Variants in TRIM24 observed in about 807,000 individuals in gnomAD.
TRIM24 encodes the protein transcription intermediary factor 1-alpha.
TRIM24 carries 29 observed loss-of-function variants against 123.9 expected under a neutral mutation model. The observed-to-expected ratio is 0.23, with a 90% CI of 0.17 to 0.32. The LOEUF is 0.32. Ranked by LOEUF, TRIM24 falls within the 10% of genes least tolerant of loss-of-function variation. The probability of loss-of-function intolerance (pLI) is 1.00; values close to 1 mark genes in which losing one functional copy is unlikely to be tolerated. For missense variants in TRIM24, 932 were observed against 1,295.3 expected (o/e 0.72, Z 4.31); for synonymous variants, 456 against 461.1 (o/e 0.99, Z 0.14).
intron 1 of TRIM24, among the ~76,000 whole-genome samples, chr7:138,474,128 CT>C (rs71177990): frequency 2.0e-4 from 28 of 137,198 alleles, no homozygotes; most frequent in Admixed American, 3.0e-4. Context: ...TGTACTTTTT[CT>C]TTTTTTTTTT....
chr7:138,577,412 A>C lies in TRIM24; in HGVS notation c.2088-8A>C. On this transcript the variant is annotated splice_polypyrimidine_tract_variant and splice_region_variant and intron_variant, in intron 13 of 18. Coordinates refer to ENST00000343526, the MANE Select transcript of TRIM24 (RefSeq NM_015905.3). ...TAGATTGCTTTTTCTTCTCTCTCAT[A>C]CTTACAGCTCTGGCTCTTCCAGCAA... 1 of 1,542,264 alleles carries C rather than the reference A, an allele frequency of 6.5e-7. No homozygotes were observed. The highest frequency in any genetic ancestry group is 8.7e-7 in the Non-Finnish European group (1 of 1,149,174).
At chr7:138,492,115 A>T (rs1352828908) in intron 1 of TRIM24, among the ~76,000 whole-genome samples, 1 of 151,728 alleles carries the variant, frequency 6.6e-6, no homozygotes, top group Non-Finnish European at 1.5e-5. Flanking sequence ...CAATGTAAGT[A>T]AAAAAATTTA....
chr7:138,460,670 C>T lies in TRIM24; in HGVS notation c.122C>T (p.Ser41Leu), dbSNP rs1386462412. ...GCCGAGAGTCGGCAGGGCCCGGACT[C>T]GGAGCGCGGCGGCGAGGCGGCCCGG... ...NEAESRQGPDSERGGEAARLN... is the reference protein window; with the variant it reads ...NEAESRQGPDLERGGEAARLN... The change falls in exon 1 of 19, where the codon TCG becomes TTG. Residue 41 changes from serine to leucine, a missense_variant. This residue lies in a region of TRIM24 where 164 missense variants were observed against 181.9 expected (regional missense o/e 0.90). Transcript: ENST00000343526. 1.3e-6 allele frequency: 2 copies of T among 1,512,160 alleles called. No individual in the cohort carries two copies. The highest frequency in any genetic ancestry group is 1.8e-6 in the Non-Finnish European group (2 of 1,136,140). 93.7% of individuals were successfully genotyped at this position (1,512,160 alleles called of 1,614,324 possible). A position where few individuals can be genotyped will look rare whatever the true frequency, so the allele number is the denominator to read the frequency against.
At chr7:138,576,890 T>C (rs1308478393) in intron 13 of TRIM24, among the ~76,000 whole-genome samples, 1 of 152,188 alleles carries the variant, frequency 6.6e-6, no homozygotes, top group Non-Finnish European at 1.5e-5. Flanking sequence ...TGCCTGAAAA[T>C]TCCTCCTAGC....
In TRIM24 at chr7:138,579,078, T is replaced by C. The variant is rs551849115; in HGVS notation, c.2257-126T>C. 1.7e-3 allele frequency: 1,190 copies of C among 698,868 alleles called. 3 individuals carry two copies. The highest frequency in any genetic ancestry group is 2.4e-3 in the Non-Finnish European group (1,015 of 428,780). The allele number at this position is 698,868 out of a possible 1,614,324, so 43.3% of individuals were successfully genotyped here. A position where few individuals can be genotyped will look rare whatever the true frequency, so the allele number is the denominator to read the frequency against. On this transcript the variant is annotated intron_variant, in intron 14 of 18. Coordinates refer to ENST00000343526, the MANE Select transcript of TRIM24 (RefSeq NM_015905.3). ...TCTAAGCCAGTTAGCAATAAACATA[T>C]ACCCTTCTCCTGAAGATTCCTTTGA...
intron 9 of TRIM24, among the ~76,000 whole-genome samples, chr7:138,555,921 TC>T (rs1160091659): frequency 6.6e-6 from 1 of 152,196 alleles, no homozygotes; most frequent in East Asian, 1.9e-4. Context: ...ATGGTCGACA[TC>T]TTACATACCG....
intron 1 of TRIM24, among the ~76,000 whole-genome samples, chr7:138,465,932 A>C (rs1795125974): frequency 6.6e-6 from 1 of 152,226 alleles, no homozygotes; most frequent in Non-Finnish European, 1.5e-5. Flanking sequence ...GTACTACTTT[A>C]TAGACCCTCC....
At chr7:138,583,818 A>G (rs3213902) in intron 17 of TRIM24, 32 bp from the exon 18 acceptor site, 624,276 of 1,417,904 alleles carry the variant, frequency 0.44, 144,933 homozygotes, top group Middle Eastern at 0.52. Context: ...GAATTTAGCT[A>G]TTTGTATTAT....
intron 1 of TRIM24, among the ~76,000 whole-genome samples, chr7:138,492,479 T>G (rs1795815656): frequency 6.6e-6 from 1 of 152,150 alleles, no homozygotes; most frequent in East Asian, 1.9e-4. Context: ...GTAGTTTTAA[T>G]TTTGGTGAAG....
intron 3 of TRIM24, among the ~76,000 whole-genome samples, chr7:138,517,113 A>G (rs1796415461): frequency 1.3e-5 from 2 of 152,044 alleles, no homozygotes; most frequent in Non-Finnish European, 2.9e-5. Context: ...TCCAAAAAAA[A>G]AAAAACCGTC....
intron 9 of TRIM24, among the ~76,000 whole-genome samples, chr7:138,564,016 G>A (rs1031306770): frequency 3.3e-5 from 5 of 152,196 alleles, no homozygotes; most frequent in African/African-American, 1.2e-4. Flanking sequence ...ACTCCTCAGT[G>A]TTAAACAGTG....
At chr7:138,495,427 T>G (rs987515629) in intron 1 of TRIM24, among the ~76,000 whole-genome samples, 5 of 152,104 alleles carry the variant, frequency 3.3e-5, no homozygotes, top group African/African-American at 1.2e-4. Flanking sequence ...GATTTAGGAT[T>G]CTGGTTAGGC....
chr7:138,534,676 A>C (rs566355990), intron 6 of TRIM24, among the ~76,000 whole-genome samples: 1 of 152,202 alleles, frequency 6.6e-6, no homozygotes, highest in Non-Finnish European at 1.5e-5. Context: ...GGTGCTGAGA[A>C]GAATGTATAT....
chr7:138,530,228 A>T (rs1229152107), intron 6 of TRIM24, among the ~76,000 whole-genome samples: 2 of 136,210 alleles, frequency 1.5e-5, no homozygotes, highest in Non-Finnish European at 3.1e-5. Flanking sequence ...CTGTGACTTT[A>T]AAAAAAAAAA....
Position 138,462,731 on chromosome 7 carries a change from A to G in TRIM24, c.364+1819A>G, listed in dbSNP as rs117116174. Among the ~76,000 whole-genome samples, 300 of 152,228 alleles carry G rather than the reference A, an allele frequency of 2.0e-3. 2 individuals are homozygous for G. The highest frequency in any genetic ancestry group is 0.011 in the East Asian group (57 of 5,170). On this transcript the variant is annotated intron_variant, in intron 1 of 18. Transcript: ENST00000343526. ...TGACCCTTGAATGTCTTCTGTCACCATCCATGAAACTGGTAAGGTTATTTG... is the reference window on the plus strand; with the variant it reads ...TGACCCTTGAATGTCTTCTGTCACCGTCCATGAAACTGGTAAGGTTATTTG...
At position 138,508,900 on chromosome 7, in the gene TRIM24, C is replaced by T. The variant is rs542423713; in HGVS notation, c.483+4492C>T. ...GTATGGTACGGTGGGTGCTCATCATCATTGAGTTGGTCACCTATCTAGGCC... is the reference window on the plus strand; with the variant it reads ...GTATGGTACGGTGGGTGCTCATCATTATTGAGTTGGTCACCTATCTAGGCC... On this transcript the variant is annotated intron_variant, in intron 2 of 18. Coordinates refer to ENST00000343526, the MANE Select transcript of TRIM24 (RefSeq NM_015905.3). 3.2e-4 allele frequency among the ~76,000 whole-genome samples: 49 copies of T among 152,106 alleles called. 1 individual carries two copies. In the South Asian group the frequency reaches 5.6e-3, roughly 17 times the overall value.
At chr7:138,498,005 T>C (rs1795952017) in intron 1 of TRIM24, among the ~76,000 whole-genome samples, 1 of 151,126 alleles carries the variant, frequency 6.6e-6, no homozygotes, top group Non-Finnish European at 1.5e-5. Flanking sequence ...GTGTGGTTTT[T>C]TTATTTTTAT....
intron 15 of TRIM24, among the ~76,000 whole-genome samples, chr7:138,579,975 G>A (rs1797858140): frequency 1.3e-5 from 2 of 152,024 alleles, no homozygotes; most frequent in South Asian, 2.1e-4. Context: ...TATCACAAGG[G>A]ATCATCATAA....
rs375801921 is a variant in TRIM24 at position 138,585,270 on chromosome 7, AG to A, written c.*320del. 1.5e-5 allele frequency: 4 copies of A among 271,282 alleles called. No homozygotes were observed. Among genetic ancestry groups the A allele is most frequent in the African/African-American group, 4.4e-5 (2 of 45,602 alleles). The allele number at this position is 271,282 out of a possible 1,614,324, so 16.8% of individuals were successfully genotyped here. A position where few individuals can be genotyped will look rare whatever the true frequency, so the allele number is the denominator to read the frequency against. On this transcript the variant is annotated 3_prime_UTR_variant, in exon 19 of 19. Transcript: ENST00000343526. ...CTTGGATTTTTAAACCACAGTCTGG[AG>A]TGATAGCTACTGTAGAAAGGAAATA... is the stretch of plus-strand genomic sequence containing the variant.
Sources: allele counts gnomAD v4.1 joint callset (sites outside exome capture counted in the v4.1 genomes callset), GRCh38; gene constraint gnomAD v4.1.1; regional missense constraint gnomAD v4.1.1; transcripts MANE v1.5; gene names NCBI Gene and HGNC (gene_info 2026-07-23, HGNC 2026-07-21).